The following RPA3 variants were observed in gnomAD, a reference collection of about 807,000 sequenced individuals.
The protein encoded by RPA3 is replication protein A3.
RPA3 carries 24 observed loss-of-function variants against 13.7 expected under a neutral mutation model. That is an observed-to-expected ratio of 1.75 (90% CI 1.27 to 2.46). The LOEUF (loss-of-function observed/expected upper bound fraction) is 2.46, where lower values mean the gene tolerates loss of function less well. Among genes scored for constraint, RPA3 ranks in the 30% most tolerant of loss-of-function variants. The pLI, the probability that RPA3 is intolerant of heterozygous loss-of-function variation, is 0.00. For missense variants in RPA3, 183 were observed against 151.0 expected (o/e 1.21, Z -1.11); for synonymous variants, 59 against 51.2 (o/e 1.15, Z -0.65).
At chr7:7,708,268 C>T (rs751486860) in intron 2 of RPA3, among the ~76,000 whole-genome samples, 2 of 152,148 alleles carry the variant, frequency 1.3e-5, no homozygotes, top group Admixed American at 1.3e-4. Context: ...ATCTTTTCTT[C>T]GTGATTTACA....
chr7:7,681,655 T>G (rs1779915681), intron 4 of RPA3, among the ~76,000 whole-genome samples: 1 of 152,108 alleles, frequency 6.6e-6, no homozygotes, highest in African/African-American at 2.4e-5. Context: ...AAAAACAAAT[T>G]GCAGTTTTCA....
intron 4 of RPA3, among the ~76,000 whole-genome samples, chr7:7,649,359 TC>T (rs1191435252): frequency 1.3e-5 from 2 of 151,750 alleles, no homozygotes; most frequent in Non-Finnish European, 2.9e-5. Flanking sequence ...AGGAAACTAC[TC>T]CCCCAATAAC....
chr7:7,639,069 C>T lies in RPA3; in HGVS notation c.174+1G>A, dbSNP rs756611481. ...AGAGACTTATTAACACTTAAACATACGGGTTCCATCAACTCGATGGTTCCA... is the reference window on the plus strand; with the variant it reads ...AGAGACTTATTAACACTTAAACATATGGGTTCCATCAACTCGATGGTTCCA... On this transcript the variant is annotated splice_donor_variant, in intron 6 of 7. Coordinates refer to ENST00000223129, the MANE Select transcript of RPA3 (RefSeq NM_002947.5). LOFTEE classifies it high-confidence loss of function. 5.6e-6 allele frequency: 9 copies of T among 1,606,906 alleles called. No homozygotes were observed. Among genetic ancestry groups the T allele is most frequent in the South Asian group, 1.1e-5 (1 of 89,834 alleles).
At chr7:7,686,807 A>G (rs774590562) in intron 3 of RPA3, among the ~76,000 whole-genome samples, 34 of 152,190 alleles carry the variant, frequency 2.2e-4, no homozygotes, top group Non-Finnish European at 8.8e-5. Context: ...TTTCTGGCCA[A>G]TGGGATATAA....
In RPA3 at chr7:7,637,016, A is replaced by C; in HGVS notation, c.350T>G (p.Ile117Ser). The change falls in exon 8 of 8, where the codon ATT (isoleucine) becomes AGT (serine). Residue 117 changes from isoleucine (I) to serine (S), a missense_variant. Transcript: ENST00000223129. The stretch of plus-strand genomic sequence containing the variant: ...CCATCAAGATCAATCATGTTGCACA[A>C]TCCCTAAAGGATAAAACTGAGGGAA... ...HDFPQFYPLG[I>S]VQHD 1 of 1,610,790 alleles carries C rather than the reference A, an allele frequency of 6.2e-7. No homozygotes were observed. Among genetic ancestry groups the C allele is most frequent in the Non-Finnish European group, 8.5e-7 (1 of 1,177,492 alleles).
intron 4 of RPA3, among the ~76,000 whole-genome samples, chr7:7,678,013 A>G (rs867550786): frequency 4.6e-5 from 7 of 152,114 alleles, no homozygotes; most frequent in Non-Finnish European, 1.0e-4. Flanking sequence ...GGTTGATTCT[A>G]TATGTTGGCT....
intron 2 of RPA3, among the ~76,000 whole-genome samples, chr7:7,709,475 A>C (rs977850116): frequency 6.6e-6 from 1 of 152,218 alleles, no homozygotes; most frequent in Non-Finnish European, 1.5e-5. Flanking sequence ...GCTGTAAAAC[A>C]AAGCAGAAGG....
intron 4 of RPA3, among the ~76,000 whole-genome samples, chr7:7,682,497 G>A (rs28915979): frequency 0.017 from 2,601 of 152,178 alleles, 33 homozygotes; most frequent in Non-Finnish European, 0.028. Context: ...TTATTTAAAA[G>A]TGGAAATTTA....
At chr7:7,653,637 G>A (rs750971583) in intron 4 of RPA3, among the ~76,000 whole-genome samples, 2 of 152,186 alleles carry the variant, frequency 1.3e-5, no homozygotes, top group Non-Finnish European at 2.9e-5. Flanking sequence ...GAAGAAAAGG[G>A]CAGTATTCTG....
intron 1 of RPA3, among the ~76,000 whole-genome samples, chr7:7,716,502 G>T (rs1264357640): frequency 5.9e-5 from 9 of 152,194 alleles, no homozygotes; most frequent in Admixed American, 5.9e-4. Flanking sequence ...GCTGGTAGCT[G>T]TGCCAATAGT....
At chr7:7,667,703 C>T (rs1463273661) in intron 4 of RPA3, among the ~76,000 whole-genome samples, 1 of 152,134 alleles carries the variant, frequency 6.6e-6, no homozygotes, top group Admixed American at 6.6e-5. Flanking sequence ...TAGGGACTGA[C>T]AAAGACAGAA....
At chr7:7,645,748 A>T (rs1483894967) in intron 4 of RPA3, among the ~76,000 whole-genome samples, 3 of 151,834 alleles carry the variant, frequency 2.0e-5, no homozygotes, top group African/African-American at 7.3e-5. Context: ...ACATTCTTGG[A>T]AGCTTGGTTA....
intron 2 of RPA3, among the ~76,000 whole-genome samples, chr7:7,710,819 C>T (rs1352873377): frequency 6.6e-6 from 1 of 152,164 alleles, no homozygotes; most frequent in Non-Finnish European, 1.5e-5. Context: ...ATGGTTAAAT[C>T]TATGGTATAT....
rs762797111 is a variant in RPA3, at chr7:7,640,306, G to A, written c.99+14C>T. ...GCTACGGACTTGGGAGCCCATGATT[G>A]CGAACCCGCACACCTTTTCCAGCCT... On this transcript the variant is annotated intron_variant, in intron 5 of 7. Coordinates refer to ENST00000223129, the MANE Select transcript of RPA3 (RefSeq NM_002947.5). The A allele has an allele frequency of 4.3e-6, 7 of 1,613,624 alleles. No individual in the cohort carries two copies. Among genetic ancestry groups the A allele is most frequent in the Admixed American group, 1.7e-5 (1 of 60,018 alleles).
At chr7:7,703,480 G>C (rs1334521891) in intron 2 of RPA3, among the ~76,000 whole-genome samples, 1 of 152,064 alleles carries the variant, frequency 6.6e-6, no homozygotes, top group Non-Finnish European at 1.5e-5. Flanking sequence ...TTCATTGTGT[G>C]GATATAGCAC....
At chr7:7,674,036 C>T (rs1400017916) in intron 4 of RPA3, among the ~76,000 whole-genome samples, 2 of 152,188 alleles carry the variant, frequency 1.3e-5, no homozygotes, top group Admixed American at 1.3e-4. Flanking sequence ...TGTCATGTCA[C>T]ATTTCTTCCC....
At chr7:7,655,546 C>G (rs1465378777) in intron 4 of RPA3, among the ~76,000 whole-genome samples, 1 of 152,170 alleles carries the variant, frequency 6.6e-6, no homozygotes, top group Non-Finnish European at 1.5e-5. Context: ...CTTCCAACTT[C>G]CTAAGTATTT....
At chr7:7,703,424 G>A (rs1780517580) in intron 2 of RPA3, among the ~76,000 whole-genome samples, 1 of 152,120 alleles carries the variant, frequency 6.6e-6, no homozygotes, top group South Asian at 2.1e-4. Context: ...CATTTTGTGA[G>A]TGCTCTAATT....
chr7:7,673,867 A>T (rs1194851956), intron 4 of RPA3, among the ~76,000 whole-genome samples: 1 of 152,242 alleles, frequency 6.6e-6, no homozygotes, highest in Non-Finnish European at 1.5e-5. Flanking sequence ...AGACTTTAAA[A>T]TCTAAATATG....
Sources: gnomAD v4.1 joint callset for allele counts (sites outside exome capture counted in the v4.1 genomes callset) on GRCh38, gnomAD v4.1.1 for gene constraint, MANE v1.5 for transcripts, NCBI Gene and HGNC (gene_info 2026-07-23, HGNC 2026-07-21) for gene names.